Variants in ZNF438 observed in about 807,000 individuals in gnomAD.
ZNF438 encodes the protein zinc finger protein 438.
In ZNF438, 25 loss-of-function variants were observed where a neutral mutation model predicts 38.0. That is an observed-to-expected ratio of 0.66 (90% CI 0.48 to 0.92). The LOEUF (loss-of-function observed/expected upper bound fraction) is 0.92, where lower values mean the gene tolerates loss of function less well. Ranked by LOEUF, ZNF438 falls within the 40% of genes least tolerant of loss-of-function variation. The probability of loss-of-function intolerance (pLI) is 0.00; values close to 1 mark genes in which losing one functional copy is unlikely to be tolerated. For missense variants in ZNF438, 1,007 were observed against 999.6 expected (o/e 1.01, Z -0.10); for synonymous variants, 372 against 364.1 (o/e 1.02, Z -0.25).
chr10:30,988,392 C>A (rs1014252228), intron 1 of ZNF438, among the ~76,000 whole-genome samples: 1 of 151,704 alleles, frequency 6.6e-6, no homozygotes, highest in Non-Finnish European at 1.5e-5. Context: ...AAAATACAAC[C>A]GTATTTTTAA....
intron 1 of ZNF438, among the ~76,000 whole-genome samples, chr10:30,965,978 C>T (rs2050071275): frequency 6.6e-6 from 1 of 151,650 alleles, no homozygotes; most frequent in African/African-American, 2.4e-5. Flanking sequence ...TCACTCTTTA[C>T]TATTAGCAAT....
intron 1 of ZNF438, among the ~76,000 whole-genome samples, chr10:30,971,827 G>A (rs1182319297): frequency 1.3e-5 from 2 of 152,098 alleles, no homozygotes; most frequent in Non-Finnish European, 2.9e-5. Context: ...ACCACTCGGT[G>A]TATTTAATCA....
chr10:30,879,879 G>A (rs1014539374), intron 3 of ZNF438, among the ~76,000 whole-genome samples: 2 of 152,076 alleles, frequency 1.3e-5, no homozygotes, highest in African/African-American at 4.8e-5. Flanking sequence ...GAAGAGGGGA[G>A]AGATGGAAGG....
intron 4 of ZNF438, among the ~76,000 whole-genome samples, 158 bp from the exon 6 acceptor site, chr10:30,850,525 A>C (rs1473132503): frequency 1.3e-5 from 2 of 152,226 alleles, no homozygotes; most frequent in African/African-American, 4.8e-5. Context: ...ACCAGCTTGA[A>C]GATCAATTCC....
intron 1 of ZNF438, among the ~76,000 whole-genome samples, chr10:31,000,441 C>G (rs1399738624): frequency 6.6e-6 from 1 of 152,206 alleles, no homozygotes; most frequent in Admixed American, 6.5e-5. Context: ...CTGAGAAACA[C>G]TGATGTATAA....
intron 1 of ZNF438, among the ~76,000 whole-genome samples, chr10:30,973,781 T>C (rs2051012468): frequency 6.6e-6 from 1 of 152,176 alleles, no homozygotes; most frequent in South Asian, 2.1e-4. Context: ...GAACAAAGTC[T>C]TTCTTCAAAA....
intron 4 of ZNF438, among the ~76,000 whole-genome samples, chr10:30,851,603 G>A (rs1752470118): frequency 2.0e-5 from 3 of 152,172 alleles, no homozygotes; most frequent in Admixed American, 2.0e-4. Context: ...AACTCCCAGC[G>A]GAATCTGCAG....
At position 30,850,045 on chromosome 10, in the gene ZNF438, AG is replaced by A; in HGVS notation, c.359del (p.Pro120LeufsTer20). 6.2e-7 allele frequency: 1 copy of A among 1,614,156 alleles called. No individual in the cohort carries two copies. The highest frequency in any genetic ancestry group is 1.1e-5 in the South Asian group (1 of 91,080). On this transcript the variant is annotated frameshift_variant, in exon 5 of 6. Coordinates refer to ENST00000413025, the Ensembl canonical transcript of ZNF438. LOFTEE classifies it high-confidence loss of function. Reference sequence around the variant, plus strand: ...TTCTAGGGGGTTGATATCTAGGAATAGGAAGTTTCAGGTTTTCAGGTAGGGA... The same window carrying A: ...TTCTAGGGGGTTGATATCTAGGAATAGAAGTTTCAGGTTTTCAGGTAGGGA...
At chr10:30,892,351 G>A (rs1482256569) in intron 3 of ZNF438, among the ~76,000 whole-genome samples, 1 of 152,028 alleles carries the variant, frequency 6.6e-6, no homozygotes, top group African/African-American at 2.4e-5. Context: ...AACATATAAT[G>A]TGTGAATGTG....
In ZNF438 at chr10:30,983,325, G is replaced by A. The variant is rs76699254; in HGVS notation, c.-191-41674C>T. 2.2e-3 allele frequency among the ~76,000 whole-genome samples: 332 copies of A among 152,278 alleles called. 1 individual carries two copies. Among genetic ancestry groups the A allele is most frequent in the Admixed American group, 3.2e-3 (49 of 15,288 alleles). On this transcript the variant is annotated intron_variant, in intron 1 of 5. Transcript: ENST00000413025. The stretch of plus-strand genomic sequence containing the variant: ...AGGTTTAGTTGGTTCATGGTTCCTC[G>A]AGCTGCACAGGAAGCATGGTTGGGG...
intron 2 of ZNF438, among the ~76,000 whole-genome samples, chr10:30,941,059 C>CATTTTATTTTATTTTATTTTATTTT (rs58041161): frequency 5.3e-5 from 8 of 150,356 alleles, no homozygotes; most frequent in Non-Finnish European, 8.9e-5. Context: ...TAAAACTGAA[C>CATTTTATTTTATTTTATTTTATTTT]ATTTTATTTT....
intron 1 of ZNF438, among the ~76,000 whole-genome samples, chr10:31,005,294 T>C (rs2055020117): frequency 6.6e-6 from 1 of 152,174 alleles, no homozygotes; most frequent in African/African-American, 2.4e-5. Flanking sequence ...TATATATATG[T>C]ACATGCACGT....
intron 2 of ZNF438, among the ~76,000 whole-genome samples, chr10:30,933,361 G>T (rs1212018382): frequency 6.6e-6 from 1 of 152,222 alleles, no homozygotes. Context: ...CAGTTTCCAA[G>T]AGAATGTGGA....
chr10:30,874,479 ATAAT>A (rs1463011602), intron 4 of ZNF438, among the ~76,000 whole-genome samples: 14 of 151,904 alleles, frequency 9.2e-5, no homozygotes, highest in African/African-American at 2.4e-4. Context: ...AAACAGAATC[ATAAT>A]TAATACATCT....
intron 4 of ZNF438, among the ~76,000 whole-genome samples, chr10:30,871,112 C>A (rs2037342105): frequency 6.6e-6 from 1 of 152,126 alleles, no homozygotes; most frequent in African/African-American, 2.4e-5. Flanking sequence ...CAAGAATAAA[C>A]CACTTTCAGG....
At chr10:30,890,417 G>A (rs2040539110) in intron 3 of ZNF438, among the ~76,000 whole-genome samples, 1 of 152,000 alleles carries the variant, frequency 6.6e-6, no homozygotes, top group Non-Finnish European at 1.5e-5. Context: ...TAATTCCCAG[G>A]TTCCAGGGTG....
intron 4 of ZNF438, among the ~76,000 whole-genome samples, chr10:30,872,607 G>A (rs549728179): frequency 2.7e-5 from 4 of 150,460 alleles, no homozygotes; most frequent in South Asian, 2.1e-4. Flanking sequence ...AAAATTAGCC[G>A]GGGGTGGGGG....
chr10:30,975,283 A>G (rs2051211836), intron 1 of ZNF438, among the ~76,000 whole-genome samples: 1 of 152,222 alleles, frequency 6.6e-6, no homozygotes, highest in African/African-American at 2.4e-5. Flanking sequence ...CCCTTATTAT[A>G]CAGAGAGAAT....
At chr10:30,854,198 T>C (rs891326705) in intron 4 of ZNF438, among the ~76,000 whole-genome samples, 1 of 152,022 alleles carries the variant, frequency 6.6e-6, no homozygotes, top group Non-Finnish European at 1.5e-5. Flanking sequence ...TGGGCGCCTG[T>C]AGTCCCAGCT....
Sources: gnomAD v4.1 joint callset for allele counts (sites outside exome capture counted in the v4.1 genomes callset) on GRCh38, gnomAD v4.1.1 for gene constraint, MANE v1.5 for transcripts, NCBI Gene and HGNC (gene_info 2026-07-23, HGNC 2026-07-21) for gene names.